AMBRA1: variants seen among roughly 807,000 people sequenced by gnomAD.
AMBRA1 encodes the protein activating molecule in BECN1-regulated autophagy protein 1.
In AMBRA1, 47 loss-of-function variants were observed where a neutral mutation model predicts 125.4. The ratio of observed to expected loss-of-function variants is 0.37; its 90% CI spans 0.30 to 0.48. The LOEUF (loss-of-function observed/expected upper bound fraction) is 0.48, where lower values mean the gene tolerates loss of function less well. Ranked by LOEUF, AMBRA1 falls within the 20% of genes least tolerant of loss-of-function variation. The pLI is 0.99. For missense variants in AMBRA1, 1,331 were observed against 1,693.4 expected (o/e 0.79, Z 3.76); for synonymous variants, 626 against 655.5 (o/e 0.95, Z 0.69).
At chr11:46,530,165 C>T (rs552255070) in intron 7 of AMBRA1, among the ~76,000 whole-genome samples, 2 of 152,236 alleles carry the variant, frequency 1.3e-5, no homozygotes, top group East Asian at 3.8e-4. Context: ...CGGGAAATTA[C>T]TCCCAACGTA....
chr11:46,581,797 CAAAA>C (rs1162857231), intron 1 of AMBRA1, among the ~76,000 whole-genome samples: 3 of 69,956 alleles, frequency 4.3e-5, no homozygotes, highest in African/African-American at 4.9e-5. Flanking sequence ...AAAACTCCAT[CAAAA>C]AAAAAAAAAA....
intron 10 of AMBRA1, 184 bp from the exon 11 acceptor site, chr11:46,493,892 A>G (rs973908641): frequency 7.3e-5 from 47 of 640,732 alleles, no homozygotes; most frequent in Non-Finnish European, 1.0e-4. Flanking sequence ...CCTTCCTTCT[A>G]AAGTTCCCCC....
chr11:46,586,144 C>T (rs1397611090), intron 1 of AMBRA1, among the ~76,000 whole-genome samples: 2 of 152,188 alleles, frequency 1.3e-5, no homozygotes, highest in African/African-American at 4.8e-5. Context: ...CACTGGCTCA[C>T]ACCTGTAATT....
chr11:46,500,975 A>G (rs1035214314), intron 9 of AMBRA1, among the ~76,000 whole-genome samples: 4 of 152,212 alleles, frequency 2.6e-5, no homozygotes, highest in African/African-American at 9.6e-5. Context: ...CCTATGGGAT[A>G]AAGTTCATCT....
chr11:46,511,780 C>T (rs1490453372), intron 8 of AMBRA1, among the ~76,000 whole-genome samples: 3 of 152,216 alleles, frequency 2.0e-5, no homozygotes, highest in Admixed American at 6.5e-5. Flanking sequence ...TTAGTTATCA[C>T]CATCAGTGAA....
rs558097616 is a variant in AMBRA1, at chr11:46,580,359, C to G, written c.-121+13469G>C. Among the ~76,000 whole-genome samples the G allele has an allele frequency of 3.9e-5, 6 of 152,160 alleles. No homozygotes were observed. The East Asian group carries it at 9.6e-4, about 24-fold the overall frequency. On this transcript the variant is annotated intron_variant, in intron 1 of 17. Coordinates refer to ENST00000683756, the MANE Select transcript of AMBRA1 (RefSeq NM_001387011.1). The stretch of plus-strand genomic sequence containing the variant: ...TAATACCATCCAGATTTCTCTCCAG[C>G]GCTACTTTTGTGAATCAGCCTAAAG...
At chr11:46,477,499 G>GA (rs982612219) in intron 11 of AMBRA1, among the ~76,000 whole-genome samples, 9,758 of 112,162 alleles carry the variant, frequency 0.087, 368 homozygotes, top group Non-Finnish European at 0.12. Flanking sequence ...CTAATTTCTG[G>GA]AAAAAAAAAA....
chr11:46,418,308 ATTTTATTATTTATATATAAATATG>A (rs1565136364), intron 14 of AMBRA1, among the ~76,000 whole-genome samples: 2 of 350 alleles, frequency 5.7e-3, no homozygotes, highest in African/African-American at 9.2e-3. Flanking sequence ...TATAATATAT[ATTTTATTATTTATATATAAATATG>A]TATTTTATTA....
At chr11:46,444,915 C>T (rs2136758198) in intron 11 of AMBRA1, among the ~76,000 whole-genome samples, 1 of 152,188 alleles carries the variant, frequency 6.6e-6, no homozygotes, top group South Asian at 2.1e-4. Context: ...AATTTATTGA[C>T]AGTCTTGTCT....
At chr11:46,519,067 AGGCTGGAGTACAGT>A (rs1951643595) in intron 7 of AMBRA1, among the ~76,000 whole-genome samples, 1 of 152,206 alleles carries the variant, frequency 6.6e-6, no homozygotes, top group African/African-American at 2.4e-5. Context: ...TCTGTCACCC[AGGCTGGAGTACAGT>A]GGCGCGATCT....
intron 11 of AMBRA1, among the ~76,000 whole-genome samples, chr11:46,490,086 T>C (rs1950408526): frequency 1.3e-5 from 2 of 152,240 alleles, no homozygotes; most frequent in Non-Finnish European, 2.9e-5. Flanking sequence ...TGGTCCACGG[T>C]AGGCACTCAG....
At chr11:46,549,827 G>A (rs937535792) in intron 1 of AMBRA1, among the ~76,000 whole-genome samples, 1 of 151,346 alleles carries the variant, frequency 6.6e-6, no homozygotes, top group Admixed American at 6.6e-5. Context: ...TTCTTTTTTG[G>A]GGGGGGTGGG....
intron 5 of AMBRA1, 43 bp from the exon 6 acceptor site, chr11:46,544,084 T>C: frequency 1.3e-6 from 2 of 1,492,618 alleles, no homozygotes; most frequent in Non-Finnish European, 1.9e-6. Context: ...CATAGAGAGA[T>C]TATGTTAACT....
intron 7 of AMBRA1, chr11:46,530,663 T>C (rs1253736431): frequency 6.6e-6 from 1 of 152,216 alleles, no homozygotes; most frequent in Non-Finnish European, 1.5e-5. Flanking sequence ...ATTGTCATAA[T>C]GCCTTCTATT....
chr11:46,422,052 C>CT (rs1946872067), intron 14 of AMBRA1, among the ~76,000 whole-genome samples: 1 of 152,198 alleles, frequency 6.6e-6, no homozygotes, highest in Non-Finnish European at 1.5e-5. Context: ...AACACCCACC[C>CT]TGTCCCCCAC....
intron 1 of AMBRA1, among the ~76,000 whole-genome samples, chr11:46,555,462 T>C (rs1197201754): frequency 6.6e-6 from 1 of 152,160 alleles, no homozygotes; most frequent in Non-Finnish European, 1.5e-5. Flanking sequence ...AGACTCCAAA[T>C]AAGAAAACAG....
chr11:46,481,656 C>T (rs1950076078), intron 11 of AMBRA1, among the ~76,000 whole-genome samples: 1 of 152,206 alleles, frequency 6.6e-6, no homozygotes, highest in Non-Finnish European at 1.5e-5. Flanking sequence ...ATCTACCGCG[C>T]CCGGCCTATT....
At chr11:46,588,766 A>G (rs2044491023) in intron 1 of AMBRA1, among the ~76,000 whole-genome samples, 1 of 146,436 alleles carries the variant, frequency 6.8e-6, no homozygotes, top group African/African-American at 2.6e-5. Flanking sequence ...CAAGAGCGAA[A>G]CTCCATCTCA....
chr11:46,427,048 A>C (rs1311336628), intron 14 of AMBRA1, among the ~76,000 whole-genome samples: 2 of 152,208 alleles, frequency 1.3e-5, no homozygotes, highest in African/African-American at 2.4e-5. Context: ...AAATTTGCAG[A>C]ATATAGGGAA....
Sources: allele counts gnomAD v4.1 joint callset (sites outside exome capture counted in the v4.1 genomes callset), GRCh38; gene constraint gnomAD v4.1.1; transcripts MANE v1.5; gene names NCBI Gene and HGNC (gene_info 2026-07-23, HGNC 2026-07-21).